Variants in NOL10 observed in about 807,000 individuals in gnomAD.
NOL10 encodes H_NH0074G24.1.
NOL10 carries 58 observed loss-of-function variants against 103.5 expected under a neutral mutation model. The ratio of observed to expected loss-of-function variants is 0.56; its 90% CI spans 0.45 to 0.70. The LOEUF is 0.70. NOL10 is among the 30% of genes least tolerant of loss of function. The pLI, the probability that NOL10 is intolerant of heterozygous loss-of-function variation, is 0.00. For synonymous variants in NOL10, 287 were observed against 282.5 expected (o/e 1.02, Z -0.16); for missense variants, 763 against 807.3 (o/e 0.95, Z 0.67).
At chr2:10,657,571 T>C (rs907860671) in intron 11 of NOL10, among the ~76,000 whole-genome samples, 171 bp downstream of exon 11, 1 of 152,148 alleles carries the variant, frequency 6.6e-6, no homozygotes, top group African/African-American at 2.4e-5. Context: ...GAGTATCTTA[T>C]CTAAATATGG....
chr2:10,663,152 A>C, intron 8 of NOL10, 108 bp from the exon 9 acceptor site: 1 of 772,534 alleles, frequency 1.3e-6, no homozygotes, highest in Non-Finnish European at 2.2e-6. Flanking sequence ...TGATCACCTG[A>C]AGCCAGGAGT....
chr2:10,634,641 C>G (rs1326128038), intron 13 of NOL10: 1 of 455,872 alleles, frequency 2.2e-6, no homozygotes, highest in Non-Finnish European at 4.4e-6. Context: ...AAACAAGCTC[C>G]CTGGGAGAGA....
At chr2:10,644,460 A>G in intron 12 of NOL10, 88 bp from the exon 13 acceptor site, 1 of 902,380 alleles carries the variant, frequency 1.1e-6, no homozygotes, top group Non-Finnish European at 1.7e-6. Context: ...ATGCCTGAGG[A>G]ACTTCTGTTA....
chr2:10,663,676 C>T (rs890092644), intron 8 of NOL10, among the ~76,000 whole-genome samples: 6 of 151,276 alleles, frequency 4.0e-5, no homozygotes, highest in East Asian at 2.0e-4. Flanking sequence ...CCCGGCCAGG[C>T]GCGGTGGCCA....
rs1212882646 is a variant in NOL10, at chr2:10,587,090, TATATATACAC to T, written c.1844+1943_1844+1952del. 2.3e-4 allele frequency among the ~76,000 whole-genome samples: 15 copies of T among 64,888 alleles called. 4 individuals carry two copies. In the South Asian group the frequency reaches 4.5e-3, roughly 19 times the overall value. The allele number at this position is 64,888 out of a possible 152,430, so 42.6% of individuals were successfully genotyped here. The stretch of plus-strand genomic sequence containing the variant: ...ATACATATATATACATATATATACA[TATATATACAC>T]ATATATATACATATATATACATATA... On this transcript the variant is annotated intron_variant, in intron 19 of 20. Coordinates refer to ENST00000381685, the MANE Select transcript of NOL10 (RefSeq NM_024894.4).
intron 13 of NOL10, among the ~76,000 whole-genome samples, chr2:10,627,342 G>A (rs1297116574): frequency 6.6e-6 from 1 of 152,088 alleles, no homozygotes; most frequent in African/African-American, 2.4e-5. Context: ...CTTTCTTGGA[G>A]AATAAAATTA....
chr2:10,613,748 C>A (rs767563490), intron 13 of NOL10, among the ~76,000 whole-genome samples: 1 of 152,106 alleles, frequency 6.6e-6, no homozygotes, highest in Non-Finnish European at 1.5e-5. Context: ...CTAACAGCAA[C>A]AGGGAGTTTG....
At chr2:10,603,239 AT>A in intron 14 of NOL10, 82 bp from the exon 15 acceptor site, 1 of 1,000,530 alleles carries the variant, frequency 1.0e-6, no homozygotes, top group Non-Finnish European at 1.5e-6. Context: ...CAACAATTTG[AT>A]TATAGTAAGA....
At chr2:10,588,716 G>A (rs1675246190) in intron 19 of NOL10, among the ~76,000 whole-genome samples, 1 of 152,198 alleles carries the variant, frequency 6.6e-6, no homozygotes. Context: ...TGTGGCTTCT[G>A]CAGCTTAAAA....
At chr2:10,621,702 G>C (rs1677158404) in intron 13 of NOL10, among the ~76,000 whole-genome samples, 1 of 152,232 alleles carries the variant, frequency 6.6e-6, no homozygotes, top group Non-Finnish European at 1.5e-5. Context: ...GAAGTACACT[G>C]ATAGATCTGG....
At chr2:10,612,564 G>A (rs1313226803) in intron 13 of NOL10, among the ~76,000 whole-genome samples, 3 of 152,162 alleles carry the variant, frequency 2.0e-5, no homozygotes, top group Non-Finnish European at 2.9e-5. Context: ...GTACAGTGGC[G>A]TGATTTAGGC....
chr2:10,598,918 T>C (rs1449561220), intron 17 of NOL10, among the ~76,000 whole-genome samples: 1 of 152,222 alleles, frequency 6.6e-6, no homozygotes, highest in Admixed American at 6.5e-5. Flanking sequence ...TTTTAATGTT[T>C]TGTCAAAAAT....
chr2:10,637,864 C>T (rs1678371146), intron 13 of NOL10, among the ~76,000 whole-genome samples: 1 of 152,046 alleles, frequency 6.6e-6, no homozygotes. Context: ...TTGCAGGCTC[C>T]AAGAGTACTT....
intron 19 of NOL10, among the ~76,000 whole-genome samples, chr2:10,585,615 G>A (rs1674987565): frequency 6.6e-6 from 1 of 152,172 alleles, no homozygotes; most frequent in Non-Finnish European, 1.5e-5. Context: ...AAAACAAATG[G>A]AGTGGAGTTG....
intron 17 of NOL10, among the ~76,000 whole-genome samples, chr2:10,596,645 C>T (rs186679236): frequency 3.8e-4 from 58 of 152,242 alleles, no homozygotes; most frequent in Middle Eastern, 6.8e-3. Context: ...AGGTTCACCT[C>T]CTGGTGTGCG....
chr2:10,645,287 T>A (rs1678976247), intron 12 of NOL10, among the ~76,000 whole-genome samples: 1 of 152,176 alleles, frequency 6.6e-6, no homozygotes, highest in Non-Finnish European at 1.5e-5. Context: ...ATTTTAAAAA[T>A]CTATTTGTAA....
rs369953341 is a variant in NOL10, at chr2:10,677,304, G to C, written c.212-1433C>G. On this transcript the variant is annotated intron_variant, in intron 3 of 20. Coordinates refer to ENST00000381685, the MANE Select transcript of NOL10 (RefSeq NM_024894.4). Reference sequence around the variant, plus strand: ...CTTCACAATGATAGTCTATCTCCGTGAAGTGCAATTTCGGAGACTTTCATA... The same window carrying C: ...CTTCACAATGATAGTCTATCTCCGTCAAGTGCAATTTCGGAGACTTTCATA... Among the ~76,000 whole-genome samples, 15 of 152,194 alleles carry C rather than the reference G, an allele frequency of 9.9e-5. No homozygotes were observed. The South Asian group carries it at 2.7e-3, about 27-fold the overall frequency.
chr2:10,671,409 CTTTTTTTTTTT>C (rs5829273), intron 6 of NOL10, 134 bp downstream of exon 6: 6 of 458,804 alleles, frequency 1.3e-5, no homozygotes, highest in Non-Finnish European at 2.0e-5. Context: ...GTTTTCTTTT[CTTTTTTTTTTT>C]TTTTTTACAA....
Position 10,689,782 on chromosome 2 carries a change from G to A in NOL10, c.66+14C>T, listed in dbSNP as rs781758280. On this transcript the variant is annotated intron_variant, in intron 1 of 20. Coordinates refer to ENST00000381685, the MANE Select transcript of NOL10 (RefSeq NM_024894.4). ...CCAAGAGCTCGAGAGTGAGGGGGCC[G>A]GGAAGTGACTCACCTCAGGAAGGGA... 2 of 1,596,378 alleles carry A rather than the reference G, an allele frequency of 1.3e-6. No individual in the cohort carries two copies. The highest frequency in any genetic ancestry group is 2.3e-5 in the East Asian group (1 of 43,964).
Sources: allele counts gnomAD v4.1 joint callset (sites outside exome capture counted in the v4.1 genomes callset), GRCh38; gene constraint gnomAD v4.1.1; transcripts MANE v1.5; gene names NCBI Gene and HGNC (gene_info 2026-07-23, HGNC 2026-07-21).